Variants in ATM observed in about 807,000 individuals in gnomAD.
ATM encodes the protein serine-protein kinase ATM.
In ATM, 308 loss-of-function variants were observed where a neutral mutation model predicts 387.0. The ratio of observed to expected loss-of-function variants is 0.80; its 90% CI spans 0.73 to 0.87. The LOEUF is 0.87. Ranked by LOEUF, ATM falls within the 40% of genes least tolerant of loss-of-function variation. ATM has a pLI of 0.00. For synonymous variants in ATM, 1,156 were observed against 1,187.3 expected, an observed-to-expected ratio of 0.97 and a Z score of 0.54; for missense variants, 3,312 against 3,560.9, an observed-to-expected ratio of 0.93 and a Z score of 1.78.
intron 19 of ATM, 48 bp from the exon 20 acceptor site, chr11:108,271,203 G>A (rs1282153590): frequency 3.1e-6 from 5 of 1,611,098 alleles, no homozygotes; most frequent in South Asian, 1.1e-5. Flanking sequence ...TAACTGATGT[G>A]TTCTGTTAAG....
At chr11:108,228,605 A>G (rs1187152257) in intron 3 of ATM, among the ~76,000 whole-genome samples, 1 of 152,214 alleles carries the variant, frequency 6.6e-6, no homozygotes, top group Non-Finnish European at 1.5e-5. Flanking sequence ...GTTTGGTATT[A>G]GATTGACTGT....
intron 47 of ATM, 90 bp downstream of exon 47, chr11:108,326,315 T>C: frequency 1.4e-6 from 2 of 1,470,546 alleles, no homozygotes; most frequent in Non-Finnish European, 1.8e-6. Flanking sequence ...ACAATTTTAT[T>C]AGAGCCTTGA....
chr11:108,289,587 CTG>C lies in ATM; in HGVS notation c.4237-13_4237-12del, dbSNP rs1555097353. ...CTAATTAAACAAGTTTTTACTAAATCTGTTTATTTTCTAGGATTCCTATCAGA... is the reference window on the plus strand; with the variant it reads ...CTAATTAAACAAGTTTTTACTAAATCTTTATTTTCTAGGATTCCTATCAGA... On this transcript the variant is annotated splice_polypyrimidine_tract_variant and intron_variant, in intron 28 of 62. Coordinates refer to ENST00000675843, the MANE Select transcript of ATM (RefSeq NM_000051.4). The C allele has an allele frequency of 1.9e-6, 3 of 1,587,670 alleles. No homozygotes were observed. The highest frequency in any genetic ancestry group is 2.6e-6 in the Non-Finnish European group (3 of 1,165,250).
intron 33 of ATM, among the ~76,000 whole-genome samples, chr11:108,299,313 CTCTT>C (rs2083289233): frequency 8.9e-6 from 1 of 112,200 alleles, no homozygotes; most frequent in Non-Finnish European, 2.0e-5. Flanking sequence ...GATTCTCTCT[CTCTT>C]TTTTTTTTTT....
At chr11:108,352,097 G>A (rs2089279241) in intron 59 of ATM, among the ~76,000 whole-genome samples, 1 of 152,120 alleles carries the variant, frequency 6.6e-6, no homozygotes, top group Admixed American at 6.5e-5. Context: ...ATAACTAAAA[G>A]GTGTAGGTGT....
At chr11:108,248,037 T>C (rs926086538) in intron 8 of ATM, among the ~76,000 whole-genome samples, 5 of 152,218 alleles carry the variant, frequency 3.3e-5, no homozygotes, top group Admixed American at 6.5e-5. Context: ...TTCGTTTAAA[T>C]GGAATCATAC....
In ATM at chr11:108,345,722, A is replaced by G. The variant is rs757717441; in HGVS notation, c.8419-21A>G. The G allele has an allele frequency of 2.2e-5, 34 of 1,513,360 alleles. 2 individuals carry two copies. The South Asian group carries it at 3.7e-4, about 17-fold the overall frequency. The allele number at this position is 1,513,360 out of a possible 1,614,324, so 93.7% of individuals were successfully genotyped here. ...TTGAACACAATATTGAAAAATAATTATATATATTCTCTATTTAAAGGAGGT... is the reference window on the plus strand; with the variant it reads ...TTGAACACAATATTGAAAAATAATTGTATATATTCTCTATTTAAAGGAGGT... On this transcript the variant is annotated intron_variant, in intron 57 of 62. Transcript: ENST00000675843.
Position 108,333,949 on chromosome 11 carries a change from T to C in ATM, c.7991T>C (p.Val2664Ala). ...TKLKNLEDVVVPTMEIKVDHT... is the reference protein window; with the variant it reads ...TKLKNLEDVVAPTMEIKVDHT... The stretch of plus-strand genomic sequence containing the variant: ...CTTAAGAATTTAGAAGATGTTGTTG[T>C]CCCTACTATGGAAATTAAGGTAATT... The change falls in exon 54 of 63, where the codon GTC (valine) becomes GCC (alanine). Residue 2664 changes from valine (V) to alanine (A), a missense_variant. By Grantham distance (64) the Val-to-Ala change is moderately conservative. Around this residue, in one of 4 missense-constraint regions of ATM, gnomAD observed 1,405 missense variants for 1,604.4 expected, o/e 0.88. Coordinates refer to ENST00000675843, the MANE Select transcript of ATM (RefSeq NM_000051.4). 6.2e-7 allele frequency: 1 copy of C among 1,610,938 alleles called. No homozygotes were observed. The highest frequency in any genetic ancestry group is 8.5e-7 in the Non-Finnish European group (1 of 1,177,156).
At chr11:108,345,651 C>T (rs1379290032) in intron 57 of ATM, 92 bp from the exon 58 acceptor site, 3 of 1,064,160 alleles carry the variant, frequency 2.8e-6, no homozygotes, top group East Asian at 5.3e-5. Flanking sequence ...CTTTATTGCC[C>T]CTATATCTGT....
At chr11:108,336,091 G>T in intron 56 of ATM, 130 bp downstream of exon 56, 1 of 681,738 alleles carries the variant, frequency 1.5e-6, no homozygotes, top group Non-Finnish European at 2.6e-6. Flanking sequence ...GAGGCCAGGA[G>T]TTCGAGACCA....
At chr11:108,311,268 C>G (rs975609457) in intron 39 of ATM, among the ~76,000 whole-genome samples, 13 of 152,284 alleles carry the variant, frequency 8.5e-5, no homozygotes, top group Non-Finnish European at 1.8e-4. Flanking sequence ...AGCCGCTGCA[C>G]CTGGTCCCAA....
chr11:108,229,486 TA>T, intron 4 of ATM, 163 bp downstream of exon 4: 1 of 723,028 alleles, frequency 1.4e-6, no homozygotes, highest in Non-Finnish European at 2.2e-6. Context: ...TTTTTATTTT[TA>T]TTAAAAGGTT....
intron 44 of ATM, 148 bp from the exon 45 acceptor site, chr11:108,321,153 C>G: frequency 9.6e-7 from 1 of 1,046,702 alleles, no homozygotes. Flanking sequence ...TTTGTTTCCA[C>G]TGCTATTTTG....
At chr11:108,331,296 G>T (rs1208638231) in intron 50 of ATM, 148 bp from the exon 51 acceptor site, 2 of 1,402,202 alleles carry the variant, frequency 1.4e-6, no homozygotes, top group African/African-American at 1.5e-5. Flanking sequence ...GATAAGAAAA[G>T]AAATGAAGGA....
chr11:108,261,885 G>A (rs907079454), intron 16 of ATM, among the ~76,000 whole-genome samples: 13 of 152,208 alleles, frequency 8.5e-5, no homozygotes, highest in African/African-American at 2.4e-4. Context: ...GGGTATCAGC[G>A]ATGGAAGATG....
chr11:108,347,134 C>T (rs374328386), intron 58 of ATM, 145 bp from the exon 59 acceptor site: 46 of 696,314 alleles, frequency 6.6e-5, no homozygotes, highest in South Asian at 5.2e-4. Flanking sequence ...TCAACATGGC[C>T]GGTTATGCAC....
At chr11:108,287,754 C>A in intron 27 of ATM, 39 bp downstream of exon 27, 1 of 1,414,376 alleles carries the variant, frequency 7.1e-7, no homozygotes, top group Non-Finnish European at 1.0e-6. Flanking sequence ...GCTCTAACTT[C>A]ACAAGTTTTT....
intron 11 of ATM, 36 bp downstream of exon 11, chr11:108,252,067 T>G (rs2135345420): frequency 2.5e-6 from 4 of 1,586,068 alleles, no homozygotes; most frequent in Non-Finnish European, 3.4e-6. Context: ...CTGTTTTTTT[T>G]GTTTGTTTTA....
rs1180732646 is a variant in ATM, at chr11:108,334,360, G to T, written c.8010+392G>T. ...AATGTATTGGCTGTGATATATCACA[G>T]TATTAAGTAATATAGTATGTATTAT... On this transcript the variant is annotated intron_variant, in intron 54 of 62. Coordinates refer to ENST00000675843, the MANE Select transcript of ATM (RefSeq NM_000051.4). Among the ~76,000 whole-genome samples, 4 of 152,282 alleles carry T rather than the reference G, an allele frequency of 2.6e-5. No individual in the cohort carries two copies. In the East Asian group the frequency reaches 7.7e-4, roughly 29 times the overall value.
Sources: allele counts gnomAD v4.1 joint callset (sites outside exome capture counted in the v4.1 genomes callset), GRCh38; gene constraint gnomAD v4.1.1; regional missense constraint gnomAD v4.1.1; transcripts MANE v1.5; gene names NCBI Gene and HGNC (gene_info 2026-07-23, HGNC 2026-07-21).